Variants in FCER1A observed in about 807,000 individuals in gnomAD.
FCER1A encodes Fc epsilon receptor Ia.
Under a neutral mutation model 23.6 loss-of-function variants are expected in FCER1A, and 24 were observed. The ratio of observed to expected loss-of-function variants is 1.02; its 90% confidence interval spans 0.74 to 1.43. The LOEUF is 1.43. Among genes scored for constraint, FCER1A ranks in the 40% most tolerant of loss-of-function variants. The probability of loss-of-function intolerance (pLI) is 0.00; values close to 1 mark genes in which losing one functional copy is unlikely to be tolerated. For missense variants in FCER1A, 318 were observed against 294.5 expected, an observed-to-expected ratio of 1.08 and a Z score of -0.58; for synonymous variants, 121 against 108.8, an observed-to-expected ratio of 1.11 and a Z score of -0.70.
intron 1 of FCER1A, among the ~76,000 whole-genome samples, chr1:159,291,417 T>A (rs773709112): frequency 6.6e-5 from 10 of 152,208 alleles, no homozygotes; most frequent in Non-Finnish European, 5.9e-5. Flanking sequence ...GTTTTCATGA[T>A]CTGTAACAGT....
upstream of FCER1A, among the ~76,000 whole-genome samples, chr1:159,298,090 T>C (rs1179809098): frequency 6.6e-6 from 1 of 152,204 alleles, no homozygotes; most frequent in Non-Finnish European, 1.5e-5. Flanking sequence ...ATGATCAATT[T>C]GTTTGAGTCC....
the FCER1A span, among the ~76,000 whole-genome samples, chr1:159,284,094 T>G: frequency 6.6e-6 from 1 of 152,214 alleles, no homozygotes; most frequent in African/African-American, 2.4e-5. Flanking sequence ...AAATTTAAGT[T>G]TCTCAGTATT....
intron 1 of FCER1A, among the ~76,000 whole-genome samples, chr1:159,294,953 T>C (rs1571077066): frequency 6.6e-6 from 1 of 152,216 alleles, no homozygotes; most frequent in African/African-American, 2.4e-5. Flanking sequence ...CAGCAAACTA[T>C]GATCAAATGC....
At chr1:159,291,951 C>T (rs960123362) in intron 1 of FCER1A, among the ~76,000 whole-genome samples, 8 of 152,072 alleles carry the variant, frequency 5.3e-5, no homozygotes, top group Admixed American at 3.9e-4. Context: ...ATGTAATTAA[C>T]GATTTCCTCT....
Position 159,304,179 on chromosome 1 carries a change from A to C in FCER1A, c.328A>C (p.Ser110Arg). 1 of 1,613,662 alleles carries C rather than the reference A, an allele frequency of 6.2e-7. No individual in the cohort carries two copies. The highest frequency in any genetic ancestry group is 8.5e-7 in the Non-Finnish European group (1 of 1,179,608). Reference protein sequence around the residue: ...ESEPVYLEVFSDWLLLQASAE... With the variant: ...ESEPVYLEVFRDWLLLQASAE... ...TGAACCTGTGTACCTGGAAGTCTTC[A>C]GTGGTAAGTTCCAGGGATATGGAAA... The change falls in exon 3 of 5, where the codon AGT becomes CGT. Residue 110 changes from serine to arginine, a missense_variant. By Grantham distance (110) the Ser-to-Arg change is moderately radical. Transcript: ENST00000693622.
chr1:159,300,653 CAAT>C (rs2102226512), upstream of FCER1A, among the ~76,000 whole-genome samples: 1 of 152,284 alleles, frequency 6.6e-6, no homozygotes, highest in African/African-American at 2.4e-5. Flanking sequence ...TGTAGGTTGA[CAAT>C]AACTTTAATC....
upstream of FCER1A, among the ~76,000 whole-genome samples, chr1:159,285,931 T>G (rs969223381): frequency 6.6e-6 from 1 of 152,124 alleles, no homozygotes; most frequent in Non-Finnish European, 1.5e-5. Flanking sequence ...ATGCCTGTAA[T>G]CCCAGCACTT....
upstream of FCER1A, among the ~76,000 whole-genome samples, chr1:159,286,095 CAGG>C (rs1377179322): frequency 6.6e-6 from 1 of 151,586 alleles, no homozygotes; most frequent in Non-Finnish European, 1.5e-5. Context: ...GAGGCTGAGG[CAGG>C]AGAACTGCTT....
chr1:159,291,607 T>C (rs907105452), intron 1 of FCER1A, among the ~76,000 whole-genome samples: 2 of 152,202 alleles, frequency 1.3e-5, no homozygotes, highest in Non-Finnish European at 2.9e-5. Flanking sequence ...GCTTAACTTC[T>C]TCAATTATTT....
chr1:159,303,004 C>G (rs1652484364), intron 2 of FCER1A, 130 bp downstream of exon 2: 1 of 861,816 alleles, frequency 1.2e-6, no homozygotes, highest in African/African-American at 1.7e-5. Context: ...AGACTACTTT[C>G]CCTCTCCACC....
upstream of FCER1A, among the ~76,000 whole-genome samples, chr1:159,286,063 C>T (rs1652006845): frequency 6.6e-6 from 1 of 151,390 alleles, no homozygotes; most frequent in Non-Finnish European, 1.5e-5. Flanking sequence ...GGTGGCGCGC[C>T]CCTGTAATTC....
chr1:159,295,526 C>T (rs970867452), intron 1 of FCER1A, among the ~76,000 whole-genome samples: 1 of 152,174 alleles, frequency 6.6e-6, no homozygotes, highest in Non-Finnish European at 1.5e-5. Context: ...ATAATAAACA[C>T]TATTCTACGG....
rs775351415 is a variant in FCER1A at position 159,306,224 on chromosome 1, C to T, written c.568C>T (p.Leu190Phe). Residue 190 changes from leucine (L) to phenylalanine (F), a missense_variant, in exon 4 of 5, where the codon CTC becomes TTC. Transcript: ENST00000693622. The stretch of plus-strand genomic sequence containing the variant: ...GCAGCTGGACTATGAGTCTGAGCCC[C>T]TCAACATTACTGTAATAAAAGGTGA... Reference protein sequence around the residue: ...VWQLDYESEPLNITVIKAPRE... With the variant: ...VWQLDYESEPFNITVIKAPRE... The T allele has an allele frequency of 6.2e-6, 10 of 1,613,738 alleles. No homozygotes were observed. The South Asian group carries it at 1.1e-4, about 18-fold the overall frequency.
intron 3 of FCER1A, among the ~76,000 whole-genome samples, chr1:159,304,522 G>A (rs1652540936): frequency 6.6e-6 from 1 of 152,134 alleles, no homozygotes; most frequent in South Asian, 2.1e-4. Flanking sequence ...CAGGAGAATG[G>A]TGTGAACCCA....
Position 159,308,177 on chromosome 1 carries a change from A to G in FCER1A, c.*245A>G. ...TTAGCATTTGTAAAAGAGATGTTCA[A>G]TTTCAATAAAATAAATATAAAACCA... On this transcript the variant is annotated 3_prime_UTR_variant, in exon 5 of 5. Transcript: ENST00000693622. 2.6e-6 allele frequency: 1 copy of G among 389,624 alleles called. No individual in the cohort carries two copies. The highest frequency in any genetic ancestry group is 2.0e-5 in the African/African-American group (1 of 49,238). 24.1% of individuals were successfully genotyped at this position (389,624 alleles called of 1,614,324 possible).
At chr1:159,303,887 T>C (rs186486164) in intron 2 of FCER1A, 41 bp from the exon 3 acceptor site, 353 of 1,548,720 alleles carry the variant, frequency 2.3e-4, no homozygotes, top group Non-Finnish European at 2.6e-4. Flanking sequence ...AATGACTTTT[T>C]TTCTCTCTAC....
chr1:159,303,032 T>A (rs138086620), intron 2 of FCER1A, among the ~76,000 whole-genome samples, 158 bp downstream of exon 2: 22 of 152,324 alleles, frequency 1.4e-4, no homozygotes, highest in African/African-American at 5.3e-4. Context: ...GTCTTTCTTT[T>A]TTTCCCTGAT....
At chr1:159,290,367 A>T (rs1652116933) in intron 1 of FCER1A, among the ~76,000 whole-genome samples, 2 of 152,162 alleles carry the variant, frequency 1.3e-5, no homozygotes, top group South Asian at 4.1e-4. Flanking sequence ...ATTACTTCTA[A>T]CCTGCCTTTT....
In FCER1A at chr1:159,302,855, T is replaced by A. The variant is rs563285584; in HGVS notation, c.57T>A (p.Ala19=). 5 of 1,613,986 alleles carry A rather than the reference T, an allele frequency of 3.1e-6. No individual in the cohort carries two copies. The highest frequency in any genetic ancestry group is 2.7e-5 in the African/African-American group (2 of 75,044). The change falls in exon 2 of 5, where the codon GCT becomes GCA. Residue 19 remains alanine (A), a splice_region_variant and synonymous_variant. Coordinates refer to ENST00000693622, the MANE Select transcript of FCER1A (RefSeq NM_001387280.1). Reference sequence around the variant, plus strand: ...TGTATCCTCTCTGGACTTTTGCAGCTCCAGATGGCGTGTTAGCAGGTGAGT... The same window carrying A: ...TGTATCCTCTCTGGACTTTTGCAGCACCAGATGGCGTGTTAGCAGGTGAGT... The part of the protein sequence containing the change: ...TLLCVALLFF[A]PDGVLAVPQK...
Sources: gnomAD v4.1 joint callset for allele counts (sites outside exome capture counted in the v4.1 genomes callset) on GRCh38, gnomAD v4.1.1 for gene constraint, MANE v1.5 for transcripts, NCBI Gene and HGNC (gene_info 2026-07-23, HGNC 2026-07-21) for gene names.